AKAP7: variants seen among roughly 807,000 people sequenced by gnomAD.
The protein encoded by AKAP7 is A-kinase anchoring protein 7, also known as A kinase (PRKA) anchor protein 7.
A neutral mutation model predicts 39.5 loss-of-function variants in AKAP7; 39 were observed. The ratio of observed to expected loss-of-function variants is 0.99; its 90% confidence interval spans 0.76 to 1.29. The LOEUF (loss-of-function observed/expected upper bound fraction) is 1.29, where lower values mean the gene tolerates loss of function less well. Ranked by LOEUF, AKAP7 falls within the 50% of genes most tolerant of loss-of-function variation. AKAP7 has a pLI of 0.00. For missense variants in AKAP7, 414 were observed against 407.7 expected, an observed-to-expected ratio of 1.02 and a Z score of -0.13; for synonymous variants, 140 against 139.1, an observed-to-expected ratio of 1.01 and a Z score of -0.05.
At chr6:131,262,449 T>C (rs1400109126) in intron 7 of AKAP7, among the ~76,000 whole-genome samples, 1 of 152,156 alleles carries the variant, frequency 6.6e-6, no homozygotes, top group Non-Finnish European at 1.5e-5. Context: ...ATATCTTTTT[T>C]CCCCATTGTT....
chr6:131,245,024 A>G (rs1402192535), intron 7 of AKAP7, among the ~76,000 whole-genome samples: 3 of 152,206 alleles, frequency 2.0e-5, no homozygotes, highest in South Asian at 4.1e-4. Context: ...TTGGCTTCCA[A>G]ATTTCACAGT....
At chr6:131,241,605 GTGTGTGTGTGTGTGTGTGTGTGTA>G (rs1207335221) in intron 7 of AKAP7, among the ~76,000 whole-genome samples, 14 of 138,352 alleles carry the variant, frequency 1.0e-4, no homozygotes, top group African/African-American at 3.3e-4. Flanking sequence ...GTGTGTGTGT[GTGTGTGTGTGTGTGTGTGTGTGTA>G]TATATATATG....
At chr6:131,130,386 C>T in the AKAP7 span, among the ~76,000 whole-genome samples, 1 of 152,196 alleles carries the variant, frequency 6.6e-6, no homozygotes, top group Admixed American at 6.5e-5. Flanking sequence ...CAACCTCTGC[C>T]TCCTGAGTTC....
chr6:131,189,377 C>A (rs1806181779), intron 5 of AKAP7, among the ~76,000 whole-genome samples: 1 of 152,084 alleles, frequency 6.6e-6, no homozygotes, highest in South Asian at 2.1e-4. Flanking sequence ...TAATAAACCT[C>A]TTTTTGATTA....
At chr6:131,211,070 CAGGTACCTA>C (rs1404837231) in intron 6 of AKAP7, among the ~76,000 whole-genome samples, 1 of 152,182 alleles carries the variant, frequency 6.6e-6, no homozygotes, top group Non-Finnish European at 1.5e-5. Context: ...TCCTTATTGG[CAGGTACCTA>C]AGATGTACAA....
chr6:131,156,900 G>A (rs1802466917), intron 2 of AKAP7, among the ~76,000 whole-genome samples: 1 of 151,412 alleles, frequency 6.6e-6, no homozygotes, highest in Non-Finnish European at 1.5e-5. Flanking sequence ...TCAGCTTCCC[G>A]AGTAGCTGGG....
At chr6:131,196,436 G>T (rs1250264507) in intron 5 of AKAP7, among the ~76,000 whole-genome samples, 1 of 151,776 alleles carries the variant, frequency 6.6e-6, no homozygotes, top group Non-Finnish European at 1.5e-5. Flanking sequence ...GCTAATTTTT[G>T]TATTTTTAAT....
chr6:131,149,705 G>A (rs1427795499), intron 2 of AKAP7, among the ~76,000 whole-genome samples: 1 of 152,180 alleles, frequency 6.6e-6, no homozygotes. Flanking sequence ...TCCATAGGGT[G>A]GACACGTTTT....
intron 5 of AKAP7, among the ~76,000 whole-genome samples, chr6:131,171,770 C>G (rs1021219277): frequency 6.6e-6 from 1 of 152,108 alleles, no homozygotes; most frequent in African/African-American, 2.4e-5. Flanking sequence ...CTGAATTAAT[C>G]CATACTGGAG....
chr6:131,262,512 A>G (rs1165256957), intron 7 of AKAP7, among the ~76,000 whole-genome samples: 1 of 152,208 alleles, frequency 6.6e-6, no homozygotes, highest in African/African-American at 2.4e-5. Flanking sequence ...TGGGACAAAA[A>G]ACAATAACCG....
Position 131,160,114 on chromosome 6 carries a change from G to C in AKAP7, c.207G>C (p.Lys69Asn), listed in dbSNP as rs373835543. ...LKRSQENEWV[K>N]SDQVKKRKKK... The stretch of plus-strand genomic sequence containing the variant: ...GAAGTCAAGAAAATGAATGGGTCAA[G>C]AGTGATCAAGTAAAGAAGAGGAAAA... The change falls in exon 3 of 8, where the codon AAG becomes AAC. Residue 69 changes from lysine to asparagine, a missense_variant. Lys to Asn is a moderately conservative substitution (Grantham distance 94, BLOSUM62 0). Coordinates refer to ENST00000431975, the MANE Select transcript of AKAP7 (RefSeq NM_016377.4). 4.3e-6 allele frequency: 7 copies of C among 1,611,436 alleles called. No homozygotes were observed. The highest frequency in any genetic ancestry group is 5.9e-6 in the Non-Finnish European group (7 of 1,179,332).
intron 7 of AKAP7, among the ~76,000 whole-genome samples, chr6:131,233,263 G>A (rs1810779110): frequency 6.6e-6 from 1 of 152,100 alleles, no homozygotes. Context: ...GAAAGAGACG[G>A]AGAAAGAGCT....
At chr6:131,234,527 G>A (rs1377089976) in intron 7 of AKAP7, among the ~76,000 whole-genome samples, 4 of 151,988 alleles carry the variant, frequency 2.6e-5, no homozygotes, top group East Asian at 1.9e-4. Context: ...CAGCATAAGC[G>A]ACCCAGTGAA....
rs141970926 is a variant in AKAP7, at chr6:131,225,165, T to G, written c.850+5357T>G. Among the ~76,000 whole-genome samples, 144 of 152,314 alleles carry G rather than the reference T, an allele frequency of 9.5e-4. 1 individual carries two copies. On this transcript the variant is annotated intron_variant, in intron 7 of 7. Transcript: ENST00000431975. ...ATACAGTCATTTTTTAAAGTTCTTT[T>G]CATATTTAAAAAAATTCTGTGATTC...
At chr6:131,172,184 A>T (rs1292355965) in intron 5 of AKAP7, among the ~76,000 whole-genome samples, 5 of 152,222 alleles carry the variant, frequency 3.3e-5, no homozygotes, top group African/African-American at 4.8e-5. Flanking sequence ...CATGATCAGT[A>T]TACAAAAACC....
chr6:131,231,426 A>T (rs899793307), intron 7 of AKAP7, among the ~76,000 whole-genome samples: 1 of 152,020 alleles, frequency 6.6e-6, no homozygotes, highest in African/African-American at 2.4e-5. Context: ...CTCTACTTAG[A>T]CCGATTAAGA....
At chr6:131,164,282 G>T in intron 3 of AKAP7, 3 of 430,542 alleles carry the variant, frequency 7.0e-6, no homozygotes, top group Non-Finnish European at 1.4e-5. Flanking sequence ...TTTTTTCTGG[G>T]TTTGCTATTT....
At chr6:131,252,728 A>C (rs1316303265) in intron 7 of AKAP7, among the ~76,000 whole-genome samples, 1 of 152,210 alleles carries the variant, frequency 6.6e-6, no homozygotes, top group African/African-American at 2.4e-5. Flanking sequence ...TGATAATGTG[A>C]AAGAATCCAT....
intron 6 of AKAP7, among the ~76,000 whole-genome samples, chr6:131,212,042 C>A (rs1585099961): frequency 1.3e-5 from 2 of 152,168 alleles, no homozygotes; most frequent in East Asian, 3.9e-4. Context: ...TTGCATATCT[C>A]ATGTAAGCTA....
Sources: gnomAD v4.1 joint callset for allele counts (sites outside exome capture counted in the v4.1 genomes callset) on GRCh38, gnomAD v4.1.1 for gene constraint, MANE v1.5 for transcripts, NCBI Gene and HGNC (gene_info 2026-07-23, HGNC 2026-07-21) for gene names.